Variants in PDE3B observed in about 807,000 individuals in gnomAD.
The protein encoded by PDE3B is cGMP-inhibited 3',5'-cyclic phosphodiesterase 3B.
PDE3B carries 66 observed loss-of-function variants against 116.8 expected under a neutral mutation model. The observed-to-expected ratio is 0.56, with a 90% CI of 0.46 to 0.69. PDE3B has a LOEUF of 0.69. PDE3B is among the 30% of genes least tolerant of loss of function. The pLI is 0.00. For synonymous variants in PDE3B, 595 were observed against 533.6 expected (o/e 1.12, Z -1.59); for missense variants, 1,384 against 1,368.1 (o/e 1.01, Z -0.18).
At chr11:14,751,990 G>A (rs1258530464) in intron 1 of PDE3B, among the ~76,000 whole-genome samples, 1 of 152,160 alleles carries the variant, frequency 6.6e-6, no homozygotes, top group African/African-American at 2.4e-5. Flanking sequence ...CTGTTAATGT[G>A]AGGTAAATCT....
chr11:14,715,475 C>T (rs1290123505), intron 1 of PDE3B, among the ~76,000 whole-genome samples: 1 of 152,114 alleles, frequency 6.6e-6, no homozygotes, highest in Non-Finnish European at 1.5e-5. Context: ...AGGTCCTTCA[C>T]GTCCCTTGTA....
intron 1 of PDE3B, among the ~76,000 whole-genome samples, chr11:14,707,925 A>T (rs965325736): frequency 6.6e-6 from 1 of 152,112 alleles, no homozygotes; most frequent in African/African-American, 2.4e-5. Context: ...AAGATCACTC[A>T]TTTAAGTAGA....
intron 12 of PDE3B, among the ~76,000 whole-genome samples, chr11:14,844,601 A>C (rs1341407045): frequency 6.6e-6 from 1 of 152,230 alleles, no homozygotes; most frequent in Non-Finnish European, 1.5e-5. Context: ...GGGGTGACAG[A>C]CAGCACCTGG....
In PDE3B at chr11:14,871,998, T is replaced by C. The variant is rs1470716173; in HGVS notation, c.*2338T>C. ...AAATATTCTTTTAATGCTATATCTA[T>C]GTACCTACTGACACATTTTTCTCCA... On this transcript the variant is annotated 3_prime_UTR_variant, in exon 16 of 16. Transcript: ENST00000282096. The C allele has an allele frequency of 2.0e-5, 3 of 152,358 alleles. No homozygotes were observed. Among genetic ancestry groups the C allele is most frequent in the South Asian group, 4.1e-4 (2 of 4,834 alleles). 9.4% of individuals were successfully genotyped at this position (152,358 alleles called of 1,614,324 possible).
the PDE3B span, among the ~76,000 whole-genome samples, chr11:14,889,404 G>A: frequency 6.6e-6 from 1 of 152,132 alleles, no homozygotes; most frequent in African/African-American, 2.4e-5. Flanking sequence ...TTTCATACCA[G>A]GATAAAGATC....
chr11:14,660,343 C>A (rs1853857648), intron 1 of PDE3B, among the ~76,000 whole-genome samples: 1 of 151,166 alleles, frequency 6.6e-6, no homozygotes, highest in East Asian at 1.9e-4. Context: ...GCCCTGTTGC[C>A]CAGGCTGGAG....
At chr11:14,891,018 G>T in the PDE3B span, 2 of 985,380 alleles carry the variant, frequency 2.0e-6, no homozygotes, top group East Asian at 1.1e-4. Flanking sequence ...TCCTTAAAAG[G>T]CTGTATCTGC....
intron 1 of PDE3B, chr11:14,674,078 G>A (rs1032588422): frequency 3.2e-5 from 49 of 1,531,250 alleles, no homozygotes; most frequent in Middle Eastern, 1.7e-4. Flanking sequence ...TCTTCAGGAA[G>A]CTTTACTTTA....
At chr11:14,664,492 AG>A (rs1854056998) in intron 1 of PDE3B, among the ~76,000 whole-genome samples, 1 of 151,968 alleles carries the variant, frequency 6.6e-6, no homozygotes, top group Admixed American at 6.6e-5. Context: ...GTTTTTTGAA[AG>A]GATCAAGAAA....
chr11:14,717,601 GT>G (rs1418652291), intron 1 of PDE3B, among the ~76,000 whole-genome samples: 1 of 85,250 alleles, frequency 1.2e-5, no homozygotes, highest in African/African-American at 4.9e-5. Context: ...CCAGAAGAGA[GT>G]GGGGGCCAAT....
At chr11:14,844,893 C>G (rs1246305303) in intron 12 of PDE3B, among the ~76,000 whole-genome samples, 1 of 152,262 alleles carries the variant, frequency 6.6e-6, no homozygotes, top group Non-Finnish European at 1.5e-5. Flanking sequence ...TCTGTAGGCT[C>G]CACCTCTGGG....
At chr11:14,736,590 T>A (rs561208951) in intron 1 of PDE3B, among the ~76,000 whole-genome samples, 1 of 152,214 alleles carries the variant, frequency 6.6e-6, no homozygotes, top group Non-Finnish European at 1.5e-5. Context: ...TGATTGATTG[T>A]TCATAAACAT....
chr11:14,804,306 A>C (rs1858854673), intron 5 of PDE3B, among the ~76,000 whole-genome samples: 1 of 152,174 alleles, frequency 6.6e-6, no homozygotes, highest in South Asian at 2.1e-4. Context: ...ATAACTATTT[A>C]ACTAACCTGA....
At chr11:14,742,419 G>T (rs1856799466) in intron 1 of PDE3B, among the ~76,000 whole-genome samples, 1 of 152,160 alleles carries the variant, frequency 6.6e-6, no homozygotes, top group South Asian at 2.1e-4. Flanking sequence ...CTTGTGCTGT[G>T]TTTTTCAGCT....
intron 11 of PDE3B, among the ~76,000 whole-genome samples, chr11:14,835,581 A>G (rs552158171): frequency 2.2e-4 from 34 of 152,186 alleles, no homozygotes; most frequent in Non-Finnish European, 4.1e-4. Flanking sequence ...TTTGCTTCCA[A>G]AAAAGTTAAT....
At chr11:14,793,983 G>T (rs925028440) in intron 4 of PDE3B, among the ~76,000 whole-genome samples, 1 of 152,152 alleles carries the variant, frequency 6.6e-6, no homozygotes, top group Non-Finnish European at 1.5e-5. Context: ...CAGTTATCAA[G>T]TTTATACAAC....
the PDE3B span, among the ~76,000 whole-genome samples, chr11:14,881,559 G>C: frequency 2.0e-5 from 3 of 152,216 alleles, no homozygotes; most frequent in African/African-American, 7.2e-5. Context: ...CCCAATGTTG[G>C]AGGTGGGGCA....
At chr11:14,829,923 C>A (rs1859818647) in intron 7 of PDE3B, among the ~76,000 whole-genome samples, 1 of 152,074 alleles carries the variant, frequency 6.6e-6, no homozygotes, top group African/African-American at 2.4e-5. Context: ...AATCATATGC[C>A]CCAAAGATAA....
intron 12 of PDE3B, among the ~76,000 whole-genome samples, chr11:14,850,519 C>T (rs1431567377): frequency 6.6e-6 from 1 of 151,948 alleles, no homozygotes; most frequent in Non-Finnish European, 1.5e-5. Context: ...AAGATTTCTG[C>T]TCCTCCTATT....
Sources: gnomAD v4.1 joint callset for allele counts (sites outside exome capture counted in the v4.1 genomes callset) on GRCh38, gnomAD v4.1.1 for gene constraint, MANE v1.5 for transcripts, NCBI Gene and HGNC (gene_info 2026-07-23, HGNC 2026-07-21) for gene names.